F5: variants seen among roughly 807,000 people sequenced by gnomAD.
F5 encodes the protein coagulation factor V.
A neutral mutation model predicts 216.4 loss-of-function variants in F5; 138 were observed. The ratio of observed to expected loss-of-function variants is 0.64; its 90% CI spans 0.56 to 0.73. The LOEUF (loss-of-function observed/expected upper bound fraction) is 0.73, where lower values mean the gene tolerates loss of function less well. Among genes scored for constraint, F5 ranks in the 30% least tolerant of loss-of-function variants. F5 has a pLI of 0.00. For synonymous variants in F5, 916 were observed against 930.7 expected (o/e 0.98, Z 0.29); for missense variants, 2,403 against 2,674.0 (o/e 0.90, Z 2.24).
chr1:169,548,986 T>C (rs2101824714), intron 10 of F5, among the ~76,000 whole-genome samples: 1 of 152,268 alleles, frequency 6.6e-6, no homozygotes, highest in African/African-American at 2.4e-5. Flanking sequence ...TGACTGAATA[T>C]GCTCTGAATA....
At chr1:169,574,646 A>G (rs1660802639) in intron 2 of F5, among the ~76,000 whole-genome samples, 1 of 152,236 alleles carries the variant, frequency 6.6e-6, no homozygotes, top group Non-Finnish European at 1.5e-5. Flanking sequence ...AAGTCCCTAC[A>G]TTAATCCTCA....
At chr1:169,586,104 T>C in intron 1 of F5, 125 bp downstream of exon 1, 1 of 1,017,744 alleles carries the variant, frequency 9.8e-7, no homozygotes, top group Non-Finnish European at 1.5e-6. Flanking sequence ...TACTCTCCTA[T>C]TAGTTATATT....
chr1:169,536,427 C>T (rs1373149991), intron 14 of F5, 79 bp downstream of exon 14: 1 of 1,215,864 alleles, frequency 8.2e-7, no homozygotes, highest in Non-Finnish European at 1.2e-6. Context: ...CTATAGCTCT[C>T]TTGCCACCTG....
intron 2 of F5, among the ~76,000 whole-genome samples, chr1:169,575,552 A>G (rs539045746): frequency 6.6e-6 from 1 of 151,516 alleles, no homozygotes; most frequent in Non-Finnish European, 1.5e-5. Context: ...CAGATAGAAG[A>G]CTCCAGGAGA....
In F5 at chr1:169,523,115, A is replaced by G. The variant is rs1479008002; in HGVS notation, c.6048+82T>C. On this transcript the variant is annotated intron_variant, in intron 21 of 24. Transcript: ENST00000367797. ...AATACCCAGAAAGGTATTTTTTAAA[A>G]TACATAATCATTAGGTATAGTCATA... The G allele has an allele frequency of 2.7e-6, 4 of 1,493,472 alleles. No homozygotes were observed. In the African/African-American group the frequency reaches 4.1e-5, roughly 15 times the overall value. The allele number at this position is 1,493,472 out of a possible 1,614,324, so 92.5% of individuals were successfully genotyped here.
chr1:169,553,671 G>C (rs1660231831), intron 7 of F5, among the ~76,000 whole-genome samples: 1 of 152,246 alleles, frequency 6.6e-6, no homozygotes, highest in Admixed American at 6.5e-5. Context: ...GCAGTGAGCA[G>C]AGATTGCGCC....
At chr1:169,552,404 T>C (rs1185150474) in intron 8 of F5, among the ~76,000 whole-genome samples, 153 bp downstream of exon 8, 2 of 152,246 alleles carry the variant, frequency 1.3e-5, no homozygotes, top group Non-Finnish European at 2.9e-5. Context: ...GAGTAAGCTG[T>C]AAATAAATAC....
At chr1:169,554,524 A>T (rs1165930026) in intron 7 of F5, among the ~76,000 whole-genome samples, 2 of 152,240 alleles carry the variant, frequency 1.3e-5, no homozygotes, top group Non-Finnish European at 2.9e-5. Flanking sequence ...TTGTACATAC[A>T]TCATTTCACC....
At chr1:169,576,549 G>T (rs1660853463) in intron 2 of F5, among the ~76,000 whole-genome samples, 1 of 152,160 alleles carries the variant, frequency 6.6e-6, no homozygotes, top group African/African-American at 2.4e-5. Flanking sequence ...CAGATCTCTG[G>T]ACTCCTGAGC....
intron 16 of F5, among the ~76,000 whole-genome samples, chr1:169,528,351 C>T (rs913309087): frequency 3.2e-4 from 48 of 152,314 alleles, no homozygotes; most frequent in African/African-American, 1.1e-3. Flanking sequence ...CAGTTTATCA[C>T]TCTTTTCCTC....
intron 6 of F5, 152 bp from the exon 7 acceptor site, chr1:169,555,499 G>A (rs182516987): frequency 1.1e-6 from 1 of 905,686 alleles, no homozygotes; most frequent in African/African-American, 1.7e-5. Flanking sequence ...TTTTAGTTTG[G>A]AACTCTTTAA....
rs1466628927 is a variant in F5, at chr1:169,534,079, CCTGTT to C, written c.4971+2422_4971+2426del. 2.0e-5 allele frequency among the ~76,000 whole-genome samples: 3 copies of C among 152,144 alleles called. No individual in the cohort carries two copies. In the South Asian group the frequency reaches 6.2e-4, roughly 31 times the overall value. On this transcript the variant is annotated intron_variant, in intron 14 of 24. Coordinates refer to ENST00000367797, the MANE Select transcript of F5 (RefSeq NM_000130.5). ...AGAAAAGCACTGTGAAAATCCCTGT[CCTGTT>C]CTGTTCTGTTCTAATTACTGGTGCA...
chr1:169,568,542 TA>T (rs948216684), intron 3 of F5, among the ~76,000 whole-genome samples: 1 of 151,998 alleles, frequency 6.6e-6, no homozygotes, highest in African/African-American at 2.4e-5. Flanking sequence ...GTAATCAAAA[TA>T]AAAAAAATTA....
chr1:169,530,642 T>A lies in F5; in HGVS notation c.5208+144A>T. ...ATGGAGAGTCCCTGGTTATGATAAA[T>A]GCAGACTGTTAACCACACCCTTATG... On this transcript the variant is annotated intron_variant, in intron 15 of 24. Transcript: ENST00000367797. 4.0e-6 allele frequency: 3 copies of A among 756,402 alleles called. No individual in the cohort carries two copies. In the South Asian group the frequency reaches 4.3e-5, roughly 11 times the overall value. The allele number at this position is 756,402 out of a possible 1,614,324, so 46.9% of individuals were successfully genotyped here.
At chr1:169,573,339 A>G (rs1325959700) in intron 2 of F5, among the ~76,000 whole-genome samples, 1 of 152,234 alleles carries the variant, frequency 6.6e-6, no homozygotes, top group African/African-American at 2.4e-5. Flanking sequence ...ATCCTAAAAC[A>G]AAAAGTTCAT....
rs764010406 is a variant in F5 at position 169,542,862 on chromosome 1, G to T, written c.2228C>A (p.Ser743Ter). The T allele has an allele frequency of 6.2e-7, 1 of 1,614,164 alleles. No homozygotes were observed. The highest frequency in any genetic ancestry group is 1.1e-5 in the South Asian group (1 of 91,086). The change falls in exon 13 of 25, where the codon TCA becomes TAA. Residue 743 changes from serine (S) to a stop codon, truncating the protein, a stop_gained. Coordinates refer to ENST00000367797, the MANE Select transcript of F5 (RefSeq NM_000130.5). LOFTEE classifies it high-confidence loss of function. Reference protein sequence around the residue: ...ALGIRSFRNSSLNQEEEEFNL... With the variant: ...ALGIRSFRNS ...GAACTCTTCTTCTTCCTGATTCAAT[G>T]ATGAGTTTCGGAATGACCTGATTCC...
At chr1:169,515,242 G>A (rs1659131141) in intron 24 of F5, among the ~76,000 whole-genome samples, 1 of 151,908 alleles carries the variant, frequency 6.6e-6, no homozygotes, top group Non-Finnish European at 1.5e-5. Context: ...CTCCTATGAG[G>A]GCAACCTGGT....
chr1:169,538,888 G>A (rs1659767587), intron 13 of F5, among the ~76,000 whole-genome samples: 1 of 152,096 alleles, frequency 6.6e-6, no homozygotes, highest in Admixed American at 6.6e-5. Flanking sequence ...CAACATCAGT[G>A]TGCTGGTTGT....
At chr1:169,564,806 A>C (rs1344811576) in intron 3 of F5, among the ~76,000 whole-genome samples, 4 of 152,048 alleles carry the variant, frequency 2.6e-5, no homozygotes, top group Non-Finnish European at 4.4e-5. Flanking sequence ...TGGGAGTGGA[A>C]AATAAGGCAC....
Sources: gnomAD v4.1 joint callset for allele counts (sites outside exome capture counted in the v4.1 genomes callset) on GRCh38, gnomAD v4.1.1 for gene constraint, MANE v1.5 for transcripts, NCBI Gene and HGNC (gene_info 2026-07-23, HGNC 2026-07-21) for gene names.